PCDHGB2: variants seen among roughly 807,000 people sequenced by gnomAD.
PCDHGB2 encodes protocadherin gamma subfamily B, 2, also known as protocadherin gamma-B2.
PCDHGB2 carries 55 observed loss-of-function variants against 59.3 expected under a neutral mutation model. That is an observed-to-expected ratio of 0.93 (90% CI 0.75 to 1.16). The LOEUF is 1.16. PCDHGB2 is among the 50% of genes most tolerant of loss of function. The probability of loss-of-function intolerance (pLI) is 0.00; values close to 1 mark genes in which losing one functional copy is unlikely to be tolerated. For synonymous variants in PCDHGB2, 516 were observed against 512.0 expected, an observed-to-expected ratio of 1.01 and a Z score of -0.11; for missense variants, 1,228 against 1,198.5, an observed-to-expected ratio of 1.02 and a Z score of -0.36.
chr5:141,438,754 T>C (rs1213047429), intron 1 of PCDHGB2, among the ~76,000 whole-genome samples: 3 of 148,368 alleles, frequency 2.0e-5, no homozygotes, highest in African/African-American at 5.0e-5. Context: ...CTCTGCCTCC[T>C]GGGTTCAAGC....
intron 1 of PCDHGB2, among the ~76,000 whole-genome samples, chr5:141,468,952 G>GT (rs34870721): frequency 0.24 from 35,946 of 151,248 alleles, 4,442 homozygotes; most frequent in Admixed American, 0.32. Flanking sequence ...TAAACCTGTG[G>GT]TTTTTTTTAC....
chr5:141,490,120 G>A lies in PCDHGB2; in HGVS notation c.2422-4687G>A. On this transcript the variant is annotated intron_variant, in intron 1 of 3. Coordinates refer to ENST00000522605, the MANE Select transcript of PCDHGB2 (RefSeq NM_018923.3). This position sits in a 1 kb window ranked among gnomAD's most constrained non-coding sequence, Gnocchi z 5.4. ...ATCTGAGGCAGTGCGGAACCTCTTT[G>A]GCCTAGACCCTAGCAGTGGGGCAAT... 6.2e-7 allele frequency: 1 copy of A among 1,614,224 alleles called. No homozygotes were observed. Among genetic ancestry groups the A allele is most frequent in the East Asian group, 2.2e-5 (1 of 44,888 alleles).
chr5:141,399,459 C>T (rs897098728), intron 1 of PCDHGB2: 6 of 1,613,894 alleles, frequency 3.7e-6, no homozygotes, highest in Non-Finnish European at 5.1e-6. Context: ...TCAACGATAA[C>T]GCTCCGGTTT....
intron 1 of PCDHGB2, chr5:141,364,402 C>A: frequency 6.2e-7 from 1 of 1,607,318 alleles, no homozygotes; most frequent in Non-Finnish European, 8.5e-7. Flanking sequence ...GGACGCTGTG[C>A]GAGCCAGGAT....
intron 1 of PCDHGB2, chr5:141,424,621 T>C (rs560809778): frequency 6.6e-6 from 1 of 152,346 alleles, no homozygotes; most frequent in Non-Finnish European, 1.5e-5. Context: ...TAGAGTAGTT[T>C]GTGAATATAT....
chr5:141,383,085 C>G (rs773972778), intron 1 of PCDHGB2: 15 of 1,613,862 alleles, frequency 9.3e-6, no homozygotes, highest in Non-Finnish European at 1.3e-5. Context: ...TGGCGGAGCG[C>G]GGAGTCCGCA....
intron 1 of PCDHGB2, chr5:141,399,854 G>T (rs747617678): frequency 6.2e-7 from 1 of 1,612,904 alleles, no homozygotes; most frequent in Non-Finnish European, 8.5e-7. Flanking sequence ...ATGGTGCCGC[G>T]CGCTGCAGAG....
At chr5:141,394,259 G>T (rs1367261725) in intron 1 of PCDHGB2, 3 of 1,613,936 alleles carry the variant, frequency 1.9e-6, no homozygotes, top group African/African-American at 2.7e-5. Context: ...CCGACAGCCA[G>T]GAGAATGCCC....
intron 1 of PCDHGB2, chr5:141,404,653 C>A (rs754039673): frequency 2.4e-5 from 39 of 1,614,206 alleles, no homozygotes; most frequent in Non-Finnish European, 3.1e-5. Flanking sequence ...ACCCTGCCCT[C>A]CCCACTGATG....
In PCDHGB2 at chr5:141,489,203, C is replaced by A; in HGVS notation, c.2422-5604C>A. On this transcript the variant is annotated intron_variant, in intron 1 of 3. Transcript: ENST00000522605. The surrounding 1 kb of genome is among the most constrained non-coding windows in gnomAD (Gnocchi z 4.5). ...CCCTGGGTCTACCTTGGAGACAGGA[C>A]AGCACAGACTTACTCTCCACAAAGG... is the stretch of plus-strand genomic sequence containing the variant. 7.1e-7 allele frequency: 1 copy of A among 1,414,834 alleles called. No individual in the cohort carries two copies. Among genetic ancestry groups the A allele is most frequent in the Non-Finnish European group, 9.6e-7 (1 of 1,040,052 alleles). The allele number at this position is 1,414,834 out of a possible 1,614,324, so 87.6% of individuals were successfully genotyped here.
intron 1 of PCDHGB2, among the ~76,000 whole-genome samples, chr5:141,430,411 C>T (rs879587751): frequency 3.3e-5 from 5 of 150,942 alleles, no homozygotes; most frequent in African/African-American, 1.2e-4. Flanking sequence ...ACTAAAGTTT[C>T]TATTAAAGCG....
intron 1 of PCDHGB2, chr5:141,430,555 TC>T (rs1232264614): frequency 9.7e-6 from 4 of 411,788 alleles, no homozygotes; most frequent in Non-Finnish European, 1.3e-5. Flanking sequence ...TGTTCACCAA[TC>T]GGGGAGAGAA....
chr5:141,450,758 A>G (rs1007910264), intron 1 of PCDHGB2, among the ~76,000 whole-genome samples: 2 of 151,784 alleles, frequency 1.3e-5, no homozygotes, highest in African/African-American at 4.8e-5. Flanking sequence ...AAGTGCCGGG[A>G]TTACAGGCAT....
intron 1 of PCDHGB2, chr5:141,371,832 G>C (rs765040359): frequency 6.2e-7 from 1 of 1,613,780 alleles, no homozygotes. Context: ...CTCGGATCCC[G>C]ACTTGGGACC....
intron 1 of PCDHGB2, chr5:141,392,964 G>C (rs772870041): frequency 1.4e-5 from 23 of 1,613,902 alleles, no homozygotes; most frequent in Non-Finnish European, 1.9e-5. Flanking sequence ...TATCTCCAAG[G>C]ACCTGGGGCT....
intron 1 of PCDHGB2, chr5:141,371,215 A>G: frequency 1.9e-6 from 3 of 1,614,052 alleles, no homozygotes; most frequent in East Asian, 2.2e-5. Flanking sequence ...GAGGGCATCA[A>G]TGCCGAAATC....
intron 1 of PCDHGB2, chr5:141,414,590 G>A: frequency 6.2e-7 from 1 of 1,613,936 alleles, no homozygotes; most frequent in Non-Finnish European, 8.5e-7. Flanking sequence ...AACGCCAGGG[G>A]TGCCTCCATC....
chr5:141,430,865 C>A, intron 1 of PCDHGB2: 2 of 1,595,350 alleles, frequency 1.3e-6, no homozygotes, highest in Non-Finnish European at 1.7e-6. Flanking sequence ...CTATTCAGTT[C>A]CGGAAGAGCT....
chr5:141,439,680 A>T (rs1478261632), intron 1 of PCDHGB2, among the ~76,000 whole-genome samples: 1 of 152,236 alleles, frequency 6.6e-6, no homozygotes, highest in African/African-American at 2.4e-5. Context: ...ATCCAAGAGC[A>T]GACCCACAAC....
Sources: allele counts gnomAD v4.1 joint callset (sites outside exome capture counted in the v4.1 genomes callset), GRCh38; gene constraint gnomAD v4.1.1; non-coding constraint Gnocchi (gnomAD v3.1); transcripts MANE v1.5; gene names NCBI Gene and HGNC (gene_info 2026-07-23, HGNC 2026-07-21).